The following EYS variants were observed in gnomAD, a reference collection of about 807,000 sequenced individuals.
EYS encodes the protein EGF-like photoreceptor maintenance factor.
EYS carries 250 observed loss-of-function variants against 282.1 expected under a neutral mutation model. The observed-to-expected ratio is 0.89, with a 90% CI of 0.80 to 0.98. The LOEUF is 0.98. Among genes scored for constraint, EYS ranks in the 50% least tolerant of loss-of-function variants. The probability of loss-of-function intolerance (pLI) is 0.00; values close to 1 mark genes in which losing one functional copy is unlikely to be tolerated. For missense variants in EYS, 4,016 were observed against 3,709.0 expected (o/e 1.08, Z -2.15); for synonymous variants, 1,355 against 1,282.9 (o/e 1.06, Z -1.20).
chr6:64,912,505 G>A lies in EYS; in HGVS notation c.2620C>T (p.Gln874Ter), dbSNP rs760798455. Residue 874 changes from glutamine to a stop codon, truncating the protein, a stop_gained, in exon 16 of 43, where the codon CAG becomes TAG. Coordinates refer to ENST00000503581, the MANE Select transcript of EYS (RefSeq NM_001142800.2). LOFTEE classifies it high-confidence loss of function. ...TTACCTTCTCTACAAATACAATGCT[G>A]ATTTGCGTCTACCAAAGCTAAGCAT... ...STCLALVDAN[Q>*]HCICREEFEG... The A allele has an allele frequency of 6.8e-5, 106 of 1,550,934 alleles. 1 individual carries two copies. Among genetic ancestry groups the A allele is most frequent in the Non-Finnish European group, 8.5e-5 (97 of 1,146,482 alleles).
chr6:64,230,341 T>G (rs1766387396), intron 31 of EYS, among the ~76,000 whole-genome samples: 1 of 152,216 alleles, frequency 6.6e-6, no homozygotes, highest in Non-Finnish European at 1.5e-5. Context: ...TGTTTGAATT[T>G]TAACTTCTAT....
At chr6:64,555,701 TATA>T (rs1249404251) in intron 26 of EYS, among the ~76,000 whole-genome samples, 1 of 151,846 alleles carries the variant, frequency 6.6e-6, no homozygotes, top group Non-Finnish European at 1.5e-5. Flanking sequence ...TCAAAGTTAT[TATA>T]ATAATGAAAA....
chr6:63,854,823 A>G (rs1252297682), intron 36 of EYS, among the ~76,000 whole-genome samples: 1 of 152,226 alleles, frequency 6.6e-6, no homozygotes, highest in Non-Finnish European at 1.5e-5. Flanking sequence ...TTTGGAAGAT[A>G]ATTGTCTAGA....
At chr6:65,563,713 T>C (rs1388597991) in intron 2 of EYS, among the ~76,000 whole-genome samples, 1 of 152,018 alleles carries the variant, frequency 6.6e-6, no homozygotes, top group East Asian at 1.9e-4. Context: ...GAAGTTAGAG[T>C]AGGTAGATAG....
intron 8 of EYS, among the ~76,000 whole-genome samples, chr6:65,370,062 T>C (rs1447976591): frequency 1.3e-5 from 2 of 151,632 alleles, no homozygotes; most frequent in Non-Finnish European, 2.9e-5. Flanking sequence ...TGATAGATGG[T>C]CACAGTATTT....
chr6:64,179,146 T>C (rs1038126946), intron 31 of EYS, among the ~76,000 whole-genome samples: 2 of 152,074 alleles, frequency 1.3e-5, no homozygotes, highest in African/African-American at 4.8e-5. Context: ...AAAGAATGTA[T>C]GTCCAAATAG....
At chr6:64,786,332 C>A (rs1013258837) in intron 22 of EYS, among the ~76,000 whole-genome samples, 4 of 151,826 alleles carry the variant, frequency 2.6e-5, no homozygotes, top group African/African-American at 9.7e-5. Flanking sequence ...CCAAGTGTGG[C>A]GGAAACCAGC....
intron 16 of EYS, among the ~76,000 whole-genome samples, chr6:64,904,250 C>T (rs899356274): frequency 1.3e-5 from 2 of 152,064 alleles, no homozygotes; most frequent in Non-Finnish European, 2.9e-5. Context: ...TTTTAATTTG[C>T]CTTATTTTTC....
At position 65,022,409 on chromosome 6, in the gene EYS, G is replaced by C. The variant is rs144390861; in HGVS notation, c.2138-24706C>G. Among the ~76,000 whole-genome samples the C allele has an allele frequency of 6.9e-3, 1,052 of 152,142 alleles. 8 individuals carry two copies. The highest frequency in any genetic ancestry group is 0.012 in the South Asian group (58 of 4,818). On this transcript the variant is annotated intron_variant, in intron 13 of 42. Transcript: ENST00000503581. Reference sequence around the variant, plus strand: ...GGTGTAGCATTGGTGGTGTTAGGTGGATTTTAAGCAGGAAGAGGAGTACTG... The same window carrying C: ...GGTGTAGCATTGGTGGTGTTAGGTGCATTTTAAGCAGGAAGAGGAGTACTG...
intron 35 of EYS, among the ~76,000 whole-genome samples, chr6:63,878,875 C>A (rs999295462): frequency 7.9e-5 from 12 of 152,162 alleles, no homozygotes; most frequent in Admixed American, 2.6e-4. Flanking sequence ...TACTGTCTGT[C>A]ATGGCCTCCC....
At chr6:65,320,326 G>C (rs966012502) in intron 11 of EYS, among the ~76,000 whole-genome samples, 14 of 152,008 alleles carry the variant, frequency 9.2e-5, no homozygotes, top group African/African-American at 3.4e-4. Context: ...AGGAGCTCAG[G>C]TCCCTCAGAA....
At chr6:64,366,621 T>G (rs1418611134) in intron 29 of EYS, among the ~76,000 whole-genome samples, 1 of 152,008 alleles carries the variant, frequency 6.6e-6, no homozygotes, top group Non-Finnish European at 1.5e-5. Context: ...AGGTATTGGG[T>G]AGAGATTTTA....
intron 22 of EYS, among the ~76,000 whole-genome samples, chr6:64,688,154 G>C (rs915028434): frequency 3.3e-5 from 5 of 151,598 alleles, no homozygotes; most frequent in Admixed American, 6.6e-5. Context: ...AATCAATCTT[G>C]TGGATCTTTT....
chr6:64,914,859 C>T (rs10806495), intron 15 of EYS, among the ~76,000 whole-genome samples: 90,285 of 151,792 alleles, frequency 0.59, 26,895 homozygotes, highest in African/African-American at 0.63. Context: ...ATGATAATTG[C>T]ACATTTCTTT....
chr6:64,004,350 A>G (rs1312089185), intron 33 of EYS, among the ~76,000 whole-genome samples: 1 of 152,024 alleles, frequency 6.6e-6, no homozygotes, highest in African/African-American at 2.4e-5. Flanking sequence ...TATTTTAACT[A>G]ATATTTTAAT....
At chr6:65,695,157 T>G (rs1358890155) in intron 1 of EYS, among the ~76,000 whole-genome samples, 1 of 152,080 alleles carries the variant, frequency 6.6e-6, no homozygotes, top group Non-Finnish European at 1.5e-5. Context: ...AAGTGTTCAT[T>G]TAGTTTCTTA....
intron 2 of EYS, among the ~76,000 whole-genome samples, chr6:65,515,103 A>G (rs1767071175): frequency 6.6e-6 from 1 of 152,162 alleles, no homozygotes; most frequent in Admixed American, 6.6e-5. Flanking sequence ...ACAAAACAAC[A>G]AACAACCCCA....
intron 22 of EYS, among the ~76,000 whole-genome samples, chr6:64,801,269 A>T (rs1424016261): frequency 2.0e-5 from 3 of 152,192 alleles, no homozygotes; most frequent in Non-Finnish European, 2.9e-5. Flanking sequence ...AAATTGATTT[A>T]ACGAAGATAC....
intron 31 of EYS, among the ~76,000 whole-genome samples, chr6:64,197,121 T>C (rs1765316169): frequency 6.6e-6 from 1 of 152,208 alleles, no homozygotes; most frequent in African/African-American, 2.4e-5. Flanking sequence ...TAAAAGTTGT[T>C]GGCTTCAAAT....
Sources: gnomAD v4.1 joint callset for allele counts (sites outside exome capture counted in the v4.1 genomes callset) on GRCh38, gnomAD v4.1.1 for gene constraint, MANE v1.5 for transcripts, NCBI Gene and HGNC (gene_info 2026-07-23, HGNC 2026-07-21) for gene names.